Variants in TRAF3IP3 observed in about 807,000 individuals in gnomAD.
The protein encoded by TRAF3IP3 is TRAF3-interacting JNK-activating modulator.
A neutral mutation model predicts 86.5 loss-of-function variants in TRAF3IP3; 64 were observed. That is an observed-to-expected ratio of 0.74 (90% CI 0.60 to 0.91). TRAF3IP3 has a LOEUF of 0.91. Ranked by LOEUF, TRAF3IP3 falls within the 40% of genes least tolerant of loss-of-function variation. The probability of loss-of-function intolerance (pLI) is 0.00; values close to 1 mark genes in which losing one functional copy is unlikely to be tolerated. For synonymous variants in TRAF3IP3, 220 were observed against 243.9 expected, an observed-to-expected ratio of 0.90 and a Z score of 0.91; for missense variants, 579 against 642.9, an observed-to-expected ratio of 0.90 and a Z score of 1.07.
intron 2 of TRAF3IP3, among the ~76,000 whole-genome samples, chr1:209,759,437 G>A (rs1042569489): frequency 2.6e-5 from 4 of 152,204 alleles, no homozygotes; most frequent in Non-Finnish European, 5.9e-5. Flanking sequence ...CACAGGACTG[G>A]TCACCACCTG....
At chr1:209,756,562 C>T (rs896572021) in intron 1 of TRAF3IP3, among the ~76,000 whole-genome samples, 11 of 152,174 alleles carry the variant, frequency 7.2e-5, no homozygotes, top group African/African-American at 1.2e-4. Flanking sequence ...GTGAGTCAAA[C>T]GACTTAGAGT....
At chr1:209,765,592 CA>C (rs1420804853) in intron 8 of TRAF3IP3, among the ~76,000 whole-genome samples, 7 of 151,896 alleles carry the variant, frequency 4.6e-5, no homozygotes, top group Non-Finnish European at 8.8e-5. Flanking sequence ...TCTTACGTCC[CA>C]GGGGTGGAGG....
Position 209,757,134 on chromosome 1 carries a change from G to A in TRAF3IP3, c.-160+825G>A, listed in dbSNP as rs917946351. Among the ~76,000 whole-genome samples, 15 of 152,224 alleles carry A rather than the reference G, an allele frequency of 9.9e-5. No individual in the cohort carries two copies. In the East Asian group the frequency reaches 2.5e-3, roughly 25 times the overall value. ...AGCATGCTGCACCAAATCCTAGCAG[G>A]TGTGGTAGCCAAGGCATCTGGGAAC... On this transcript the variant is annotated intron_variant, in intron 1 of 16. Transcript: ENST00000367025.
intron 3 of TRAF3IP3, among the ~76,000 whole-genome samples, chr1:209,761,305 T>C (rs2077240444): frequency 6.6e-6 from 1 of 152,210 alleles, no homozygotes; most frequent in Non-Finnish European, 1.5e-5. Context: ...CTTCTAAGAT[T>C]GTGTAACCCT....
rs375172349 is a variant in TRAF3IP3 at position 209,777,527 on chromosome 1, T to C, written c.1189+40T>C. Reference sequence around the variant, plus strand: ...GGAGGCCTTGAGTGCATGGCAGCCATGGCCAAGTGAGCTAAGAAAAAAGAA... The same window carrying C: ...GGAGGCCTTGAGTGCATGGCAGCCACGGCCAAGTGAGCTAAGAAAAAAGAA... On this transcript the variant is annotated intron_variant, in intron 12 of 16. Coordinates refer to ENST00000367025, the MANE Select transcript of TRAF3IP3 (RefSeq NM_025228.4). 90 of 1,524,010 alleles carry C rather than the reference T, an allele frequency of 5.9e-5. 3 individuals carry two copies. Among genetic ancestry groups the C allele is most frequent in the East Asian group, 3.6e-4 (15 of 42,188 alleles). 94.4% of individuals were successfully genotyped at this position (1,524,010 alleles called of 1,614,324 possible). A position where few individuals can be genotyped will look rare whatever the true frequency, so the allele number is the denominator to read the frequency against.
At position 209,777,025 on chromosome 1, in the gene TRAF3IP3, G is replaced by A. The variant is rs539992313; in HGVS notation, c.1054-327G>A. 93 of 166,114 alleles carry A rather than the reference G, an allele frequency of 5.6e-4. 2 individuals carry two copies. In the South Asian group the frequency reaches 0.014, roughly 25 times the overall value. 10.3% of individuals were successfully genotyped at this position (166,114 alleles called of 1,614,324 possible). ...GAGGATTGCTTGAGCCCAAGAGGTC[G>A]AGGCTGCAATGTGCTATGATGGCAC... On this transcript the variant is annotated intron_variant, in intron 11 of 16. Coordinates refer to ENST00000367025, the MANE Select transcript of TRAF3IP3 (RefSeq NM_025228.4).
intron 8 of TRAF3IP3, 113 bp from the exon 9 acceptor site, chr1:209,772,835 G>A: frequency 1.2e-6 from 1 of 860,782 alleles, no homozygotes; most frequent in Non-Finnish European, 1.9e-6. Context: ...TCCTGAAAGA[G>A]TTCACTGTTT....
chr1:209,774,004 A>C (rs2077600773), intron 9 of TRAF3IP3, among the ~76,000 whole-genome samples: 1 of 152,218 alleles, frequency 6.6e-6, no homozygotes. Context: ...CTCAAATTTA[A>C]ATCCAAAATT....
chr1:209,781,261 GA>G, intron 15 of TRAF3IP3, 83 bp from the exon 16 acceptor site: 1 of 868,814 alleles, frequency 1.2e-6, no homozygotes, highest in Admixed American at 2.2e-5. Flanking sequence ...CCAAATGAGT[GA>G]AACTTACAAA....
chr1:209,762,610 G>T lies in TRAF3IP3; in HGVS notation c.441G>T (p.Gly147=). ...DLSDHLSSQA[G]GLPPQDTPIK... is the part of the protein sequence containing the mutation. ...CTGACCACCTCTCCTCACAGGCTGG[G>T]GGCCTTCCTCCACAGGACACTCCCA... The change falls in exon 4 of 17, where the codon GGG becomes GGT. Residue 147 remains glycine, a synonymous_variant. Coordinates refer to ENST00000367025, the MANE Select transcript of TRAF3IP3 (RefSeq NM_025228.4). 6.6e-7 allele frequency: 1 copy of T among 1,520,948 alleles called. No individual in the cohort carries two copies. The highest frequency in any genetic ancestry group is 1.8e-4 in the Middle Eastern group (1 of 5,636). 94.2% of individuals were successfully genotyped at this position (1,520,948 alleles called of 1,614,324 possible).
chr1:209,772,272 T>C (rs1284868258), intron 8 of TRAF3IP3, among the ~76,000 whole-genome samples: 3 of 152,158 alleles, frequency 2.0e-5, no homozygotes, highest in Non-Finnish European at 2.9e-5. Context: ...GCTTACAGAT[T>C]GCCATCTCTC....
chr1:209,779,461 G>A lies in TRAF3IP3; in HGVS notation c.1312+87G>A, dbSNP rs1265277426. 3.5e-6 allele frequency: 4 copies of A among 1,149,446 alleles called. No individual in the cohort carries two copies. In the African/African-American group the frequency reaches 6.1e-5, roughly 18 times the overall value. 71.2% of individuals were successfully genotyped at this position (1,149,446 alleles called of 1,614,324 possible). A position where few individuals can be genotyped will look rare whatever the true frequency, so the allele number is the denominator to read the frequency against. On this transcript the variant is annotated intron_variant, in intron 14 of 16. Transcript: ENST00000367025. Reference sequence around the variant, plus strand: ...GCGGGATGGACTACATGACCTCCTGGAGTCCCAGCCAGTTCTGGGAGTCTG... The same window carrying A: ...GCGGGATGGACTACATGACCTCCTGAAGTCCCAGCCAGTTCTGGGAGTCTG...
chr1:209,778,022 G>C (rs1399034751), intron 12 of TRAF3IP3, 89 bp from the exon 13 acceptor site: 1 of 1,146,772 alleles, frequency 8.7e-7, no homozygotes, highest in Non-Finnish European at 1.3e-6. Flanking sequence ...ACCATGACAA[G>C]ACAGCATCTA....
chr1:209,760,788 A>G (rs11119337), intron 3 of TRAF3IP3, among the ~76,000 whole-genome samples: 63,439 of 151,692 alleles, frequency 0.42, 17,141 homozygotes, highest in African/African-American at 0.75. Context: ...TTACAAACTA[A>G]CCAGGCATGG....
intron 8 of TRAF3IP3, among the ~76,000 whole-genome samples, chr1:209,764,839 T>C (rs1166906418): frequency 6.6e-6 from 1 of 152,092 alleles, no homozygotes; most frequent in Non-Finnish European, 1.5e-5. Flanking sequence ...TTTTAAATTA[T>C]TGAAAATATA....
intron 12 of TRAF3IP3, 32 bp from the exon 13 acceptor site, chr1:209,778,079 C>T: frequency 6.2e-7 from 1 of 1,606,402 alleles, no homozygotes; most frequent in East Asian, 2.2e-5. Flanking sequence ...TCTTGGGTTC[C>T]TTTATTTTGG....
At chr1:209,766,938 G>A (rs1359897995) in intron 8 of TRAF3IP3, among the ~76,000 whole-genome samples, 1 of 152,180 alleles carries the variant, frequency 6.6e-6, no homozygotes, top group Non-Finnish European at 1.5e-5. Flanking sequence ...CAGTAGAGAA[G>A]CAAGAGTGAT....
chr1:209,757,837 G>A (rs1293240527), intron 1 of TRAF3IP3, among the ~76,000 whole-genome samples: 1 of 152,238 alleles, frequency 6.6e-6, no homozygotes, highest in Non-Finnish European at 1.5e-5. Context: ...CATGCCAGGT[G>A]CATGGCCTGC....
chr1:209,775,427 G>T lies in TRAF3IP3; in HGVS notation c.853G>T (p.Glu285Ter). Reference sequence around the variant, plus strand: ...AAACAGCTATGAGCAGAAGGCCAAGGAGTCACTGCAGAAAGTGCTGGAGGA... The same window carrying T: ...AAACAGCTATGAGCAGAAGGCCAAGTAGTCACTGCAGAAAGTGCTGGAGGA... ...QKNSYEQKAK[E>*]SLQKVLEEKM... The change falls in exon 10 of 17, where the codon GAG (glutamate) becomes TAG (stop). Residue 285 changes from glutamate to a stop codon, truncating the protein, a stop_gained. Transcript: ENST00000367025. LOFTEE classifies it high-confidence loss of function. 6.2e-7 allele frequency: 1 copy of T among 1,614,222 alleles called. No homozygotes were observed. The highest frequency in any genetic ancestry group is 2.2e-5 in the East Asian group (1 of 44,884).
Sources: allele counts gnomAD v4.1 joint callset (sites outside exome capture counted in the v4.1 genomes callset), GRCh38; gene constraint gnomAD v4.1.1; transcripts MANE v1.5; gene names NCBI Gene and HGNC (gene_info 2026-07-23, HGNC 2026-07-21).